CCL11: variants seen among roughly 807,000 people sequenced by gnomAD.
CCL11 encodes C-C motif chemokine ligand 11.
Under a neutral mutation model 7.3 loss-of-function variants are expected in CCL11, and 7 were observed. The observed-to-expected ratio is 0.96, with a 90% CI of 0.55 to 1.81. The LOEUF is 1.81. Among genes scored for constraint, CCL11 ranks in the 40% most tolerant of loss-of-function variants. The pLI, the probability that CCL11 is intolerant of heterozygous loss-of-function variation, is 0.00. For missense variants in CCL11, 132 were observed against 114.2 expected (o/e 1.16, Z -0.71); for synonymous variants, 66 against 45.2 (o/e 1.46, Z -1.84).
rs201428314 is a variant in CCL11 at position 34,287,811 on chromosome 17, T to TA, written c.*122dup. ...CAAAGGGCATGGGTTTTATTATATA[T>TA]ATATATTTTTTTTTTTAAAAAAAAA... On this transcript the variant is annotated 3_prime_UTR_variant, in exon 3 of 3. Coordinates refer to ENST00000305869, the MANE Select transcript of CCL11 (RefSeq NM_002986.3). 4.7e-3 allele frequency: 1,486 copies of TA among 318,808 alleles called. 27 individuals are homozygous for TA. The African/African-American group carries it at 0.049, about 10-fold the overall frequency. The allele number at this position is 318,808 out of a possible 1,614,324, so 19.7% of individuals were successfully genotyped here.
At chr17:34,286,311 A>G (rs934092224) in intron 1 of CCL11, among the ~76,000 whole-genome samples, 1 of 152,136 alleles carries the variant, frequency 6.6e-6, no homozygotes, top group African/African-American at 2.4e-5. Flanking sequence ...GAGGTGACTT[A>G]TTTTGACACT....
Position 34,287,692 on chromosome 17 carries a change from T to A in CCL11, c.*2T>A, listed in dbSNP as rs973714630. The A allele has an allele frequency of 1.6e-5, 25 of 1,603,320 alleles. No homozygotes were observed. The highest frequency in any genetic ancestry group is 2.1e-5 in the Non-Finnish European group (24 of 1,170,484). On this transcript the variant is annotated 3_prime_UTR_variant, in exon 3 of 3. Coordinates refer to ENST00000305869, the MANE Select transcript of CCL11 (RefSeq NM_002986.3). ...AAATCTCCAACTCCAAAGCCATAAA[T>A]AATCACCATTTTTGAAACCAAACCA...
chr17:34,287,791 G>T lies in CCL11; in HGVS notation c.*101G>T. The T allele has an allele frequency of 1.7e-6, 1 of 595,990 alleles. No individual in the cohort carries two copies. Among genetic ancestry groups the T allele is most frequent in the Non-Finnish European group, 3.0e-6 (1 of 332,856 alleles). 36.9% of individuals were successfully genotyped at this position (595,990 alleles called of 1,614,324 possible). A position where few individuals can be genotyped will look rare whatever the true frequency, so the allele number is the denominator to read the frequency against. On this transcript the variant is annotated 3_prime_UTR_variant, in exon 3 of 3. Coordinates refer to ENST00000305869, the MANE Select transcript of CCL11 (RefSeq NM_002986.3). ...AGGTAACCTCATTATCAGTCCAAAG[G>T]GCATGGGTTTTATTATATATATATA... is the stretch of plus-strand genomic sequence containing the variant.
chr17:34,287,228 C>T (rs760449538), intron 2 of CCL11, 21 bp downstream of exon 2: 1 of 1,523,136 alleles, frequency 6.6e-7, no homozygotes, highest in Non-Finnish European at 9.1e-7. Flanking sequence ...AAAGTTCACC[C>T]TCCCCTAGAC....
rs886604300 is a variant in CCL11, at chr17:34,287,995, C to A, written c.*305C>A. 1.8e-5 allele frequency: 3 copies of A among 164,378 alleles called. No homozygotes were observed. The highest frequency in any genetic ancestry group is 3.9e-5 in the Non-Finnish European group (3 of 76,594). The allele number at this position is 164,378 out of a possible 1,614,324, so 10.2% of individuals were successfully genotyped here. On this transcript the variant is annotated 3_prime_UTR_variant, in exon 3 of 3. Transcript: ENST00000305869. ...ATGTTCCCCCTCTCCTCTCTTCCTC[C>A]CTGGAATCTTGTAAAGGTCCTGGCA...
intron 2 of CCL11, 52 bp downstream of exon 2, chr17:34,287,259 A>G: frequency 7.7e-7 from 1 of 1,296,012 alleles, no homozygotes; most frequent in South Asian, 1.2e-5. Flanking sequence ...TGTCTAGGGC[A>G]CAGAGTCAAG....
At position 34,285,821 on chromosome 17, in the gene CCL11, G is replaced by T. The variant is rs56120942; in HGVS notation, c.13G>T (p.Ala5Ser). 6.2e-7 allele frequency: 1 copy of T among 1,612,638 alleles called. No individual in the cohort carries two copies. Among genetic ancestry groups the T allele is most frequent in the East Asian group, 2.2e-5 (1 of 44,762 alleles). MKVS[A>S]ALLWLLLIAA... The stretch of plus-strand genomic sequence containing the variant: ...TTCAGCCTCCAACATGAAGGTCTCC[G>T]CAGCACTTCTGTGGCTGCTGCTCAT... Residue 5 changes from alanine (A) to serine (S), a missense_variant, in exon 1 of 3, where the codon GCA becomes TCA. Coordinates refer to ENST00000305869, the MANE Select transcript of CCL11 (RefSeq NM_002986.3).
At position 34,285,766 on chromosome 17, in the gene CCL11, A is replaced by G. The variant is rs770319146; in HGVS notation, c.-43A>G. 2.0e-6 allele frequency: 3 copies of G among 1,522,238 alleles called. No homozygotes were observed. Among genetic ancestry groups the G allele is most frequent in the Non-Finnish European group, 2.7e-6 (3 of 1,106,682 alleles). The allele number at this position is 1,522,238 out of a possible 1,614,324, so 94.3% of individuals were successfully genotyped here. A position where few individuals can be genotyped will look rare whatever the true frequency, so the allele number is the denominator to read the frequency against. On this transcript the variant is annotated 5_prime_UTR_variant, in exon 1 of 3. Transcript: ENST00000305869. ...CAGAGAGGCTGAGACCAACCCAGAA[A>G]CCACCACCTCTCACGCCAAAGCTCA...
chr17:34,287,286 C>T, intron 2 of CCL11, 79 bp downstream of exon 2: 6 of 1,031,778 alleles, frequency 5.8e-6, no homozygotes, highest in Non-Finnish European at 9.0e-6. Flanking sequence ...GTCACAGTTG[C>T]TGGGAGTCAT....
rs41274294 is a variant in CCL11 at position 34,288,152 on chromosome 17, T to C, written c.*462T>C. 0.02 allele frequency: 3,031 copies of C among 152,734 alleles called. 41 individuals are homozygous for C. Among genetic ancestry groups the C allele is most frequent in the South Asian group, 0.042 (205 of 4,826 alleles). The allele number at this position is 152,734 out of a possible 1,614,324, so 9.5% of individuals were successfully genotyped here. The stretch of plus-strand genomic sequence containing the variant: ...TTATAGTCACTAGTTGTAATTTTTT[T>C]GTGGGAAATCCACACTGAGCTGAGG... On this transcript the variant is annotated 3_prime_UTR_variant, in exon 3 of 3. Transcript: ENST00000305869.
intron 1 of CCL11, among the ~76,000 whole-genome samples, chr17:34,286,475 A>T (rs766903568): frequency 8.5e-5 from 13 of 152,246 alleles, no homozygotes; most frequent in Non-Finnish European, 1.5e-4. Context: ...TAACTAAATT[A>T]ACAAAAGTTA....
chr17:34,286,447 T>C (rs942998274), intron 1 of CCL11, among the ~76,000 whole-genome samples: 2 of 152,220 alleles, frequency 1.3e-5, no homozygotes, highest in Non-Finnish European at 2.9e-5. Context: ...TTCTAAATTA[T>C]CAATGACTTA....
chr17:34,286,234 A>C (rs1409127722), intron 1 of CCL11, among the ~76,000 whole-genome samples: 1 of 152,188 alleles, frequency 6.6e-6, no homozygotes, highest in Non-Finnish European at 1.5e-5. Context: ...CAGTATGTTA[A>C]TTCGACTCCA....
At chr17:34,287,469 T>C in intron 2 of CCL11, 116 bp from the exon 3 acceptor site, 1 of 744,988 alleles carries the variant, frequency 1.3e-6, no homozygotes, top group Non-Finnish European at 2.3e-6. Flanking sequence ...AGTCTCATCC[T>C]TCCTCCTCTC....
rs1427688275 is a variant in CCL11 at position 34,285,853 on chromosome 17, T to C, written c.45T>C (p.Ala15=). 2 of 1,612,496 alleles carry C rather than the reference T, an allele frequency of 1.2e-6. No homozygotes were observed. The highest frequency in any genetic ancestry group is 1.7e-6 in the Non-Finnish European group (2 of 1,179,208). ...TTCTGTGGCTGCTGCTCATAGCAGC[T>C]GCCTTCAGCCCCCAGGGGCTCGCTG... ...AALLWLLLIA[A]AFSPQGLAGP... is the part of the protein sequence containing the mutation. The change falls in exon 1 of 3, where the codon GCT becomes GCC. Residue 15 remains alanine, a synonymous_variant. Transcript: ENST00000305869.
chr17:34,286,398 C>T (rs1011880858), intron 1 of CCL11, among the ~76,000 whole-genome samples: 28 of 152,148 alleles, frequency 1.8e-4, no homozygotes, highest in African/African-American at 5.8e-4. Flanking sequence ...CTGAGTGTAT[C>T]GGTCCCACTG....
In CCL11 at chr17:34,287,827, T is replaced by TAAAA. The variant is rs35429363; in HGVS notation, c.*144_*147dup. 1.5e-3 allele frequency: 432 copies of TAAAA among 287,118 alleles called. No individual in the cohort carries two copies. The highest frequency in any genetic ancestry group is 2.0e-3 in the Non-Finnish European group (324 of 162,700). The allele number at this position is 287,118 out of a possible 1,614,324, so 17.8% of individuals were successfully genotyped here. On this transcript the variant is annotated 3_prime_UTR_variant, in exon 3 of 3. Transcript: ENST00000305869. Reference sequence around the variant, plus strand: ...TATTATATATATATATTTTTTTTTTTAAAAAAAAAACGTATTGCATTTAAT... The same window carrying TAAAA: ...TATTATATATATATATTTTTTTTTTTAAAAAAAAAAAAAACGTATTGCATTTAAT...
intron 2 of CCL11, 39 bp downstream of exon 2, chr17:34,287,246 T>C: frequency 2.1e-6 from 3 of 1,404,040 alleles, no homozygotes; most frequent in Non-Finnish European, 3.0e-6. Context: ...GACAAAAAAA[T>C]AATGTCTAGG....
chr17:34,287,719 AG>A lies in CCL11; in HGVS notation c.*30del. ...ATCACCATTTTTGAAACCAAACCAG[AG>A]CCTGAGTGTTGCCTAATTTGTTTTC... On this transcript the variant is annotated 3_prime_UTR_variant, in exon 3 of 3. Coordinates refer to ENST00000305869, the MANE Select transcript of CCL11 (RefSeq NM_002986.3). 1 of 1,458,788 alleles carries A rather than the reference AG, an allele frequency of 6.9e-7. No homozygotes were observed. Among genetic ancestry groups the A allele is most frequent in the Non-Finnish European group, 9.6e-7 (1 of 1,040,292 alleles). 90.4% of individuals were successfully genotyped at this position (1,458,788 alleles called of 1,614,324 possible).
Sources: allele counts gnomAD v4.1 joint callset (sites outside exome capture counted in the v4.1 genomes callset), GRCh38; gene constraint gnomAD v4.1.1; transcripts MANE v1.5; gene names NCBI Gene and HGNC (gene_info 2026-07-23, HGNC 2026-07-21).